RFX4: variants seen among roughly 807,000 people sequenced by gnomAD.
RFX4 encodes the protein regulatory factor X4.
In RFX4, 10 loss-of-function variants were observed where a neutral mutation model predicts 95.0. The ratio of observed to expected loss-of-function variants is 0.11; its 90% confidence interval spans 0.06 to 0.18. RFX4 has a LOEUF of 0.18. RFX4 is among the 10% of genes least tolerant of loss of function. The pLI, the probability that RFX4 is intolerant of heterozygous loss-of-function variation, is 1.00. For synonymous variants in RFX4, 321 were observed against 340.7 expected, an observed-to-expected ratio of 0.94 and a Z score of 0.64; for missense variants, 640 against 922.0, an observed-to-expected ratio of 0.69 and a Z score of 3.96.
intron 5 of RFX4, 30 bp from the exon 6 acceptor site, chr12:106,686,853 CT>C: frequency 1.5e-6 from 2 of 1,301,818 alleles, no homozygotes; most frequent in Non-Finnish European, 2.1e-6. Flanking sequence ...TTTTTTTTTT[CT>C]CTCTCTCCCT....
chr12:106,682,255 G>A (rs1262386610), intron 5 of RFX4: 13 of 576,050 alleles, frequency 2.3e-5, no homozygotes, highest in Admixed American at 3.1e-5. Flanking sequence ...AGCCCAAGAC[G>A]AGTTGGCTCT....
At chr12:106,651,305 C>A (rs1302112587) in intron 3 of RFX4, among the ~76,000 whole-genome samples, 2 of 152,152 alleles carry the variant, frequency 1.3e-5, no homozygotes, top group Non-Finnish European at 2.9e-5. Context: ...CATGACTGGG[C>A]AAATGAGTTA....
At chr12:106,629,960 G>A (rs2040385543) in intron 2 of RFX4, among the ~76,000 whole-genome samples, 1 of 152,172 alleles carries the variant, frequency 6.6e-6, no homozygotes, top group South Asian at 2.1e-4. Flanking sequence ...GTGCGGTTGT[G>A]ATTTGGATTT....
intron 3 of RFX4, among the ~76,000 whole-genome samples, chr12:106,646,114 G>A (rs1444244810): frequency 6.6e-6 from 1 of 152,138 alleles, no homozygotes; most frequent in African/African-American, 2.4e-5. Flanking sequence ...AGCACATGCA[G>A]CCAGCAGCTG....
intron 3 of RFX4, among the ~76,000 whole-genome samples, chr12:106,641,951 C>A (rs1440604516): frequency 1.4e-5 from 2 of 144,674 alleles, no homozygotes; most frequent in East Asian, 2.0e-4. Context: ...ATGTCTATAT[C>A]TATCTATATC....
chr12:106,754,076 C>T (rs550935424), intron 17 of RFX4, among the ~76,000 whole-genome samples: 9 of 152,300 alleles, frequency 5.9e-5, no homozygotes, highest in African/African-American at 1.9e-4. Context: ...CCAAGGAGAA[C>T]GTATCCACAA....
At chr12:106,760,181 C>G (rs1409800545) in intron 17 of RFX4, among the ~76,000 whole-genome samples, 3 of 152,204 alleles carry the variant, frequency 2.0e-5, no homozygotes, top group African/African-American at 7.2e-5. Context: ...CCTCGCTGCT[C>G]TGGCCATCCT....
At chr12:106,594,485 T>C (rs112858502) in intron 1 of RFX4, among the ~76,000 whole-genome samples, 1 of 152,172 alleles carries the variant, frequency 6.6e-6, no homozygotes. Context: ...TTTGAAAACT[T>C]TGGTGTGATG....
intron 4 of RFX4, among the ~76,000 whole-genome samples, chr12:106,657,598 G>A (rs139917034): frequency 1.2e-3 from 181 of 152,232 alleles, no homozygotes; most frequent in Non-Finnish European, 1.7e-3. Context: ...GCCTGCTTTC[G>A]CTGTTAAGGG....
chr12:106,689,291 C>T lies in RFX4; in HGVS notation c.596C>T (p.Ser199Phe), dbSNP rs1451031749. The part of the protein sequence containing the change: ...LPASLPEEKV[S>F]TFIMMYRTHC... The stretch of plus-strand genomic sequence containing the variant: ...ATCCTCTACACACCCCCACAGGTTT[C>T]TACCTTTATTATGATGTACAGAACA... The change falls in exon 7 of 18, where the codon TCT becomes TTT. Residue 199 changes from serine (S) to phenylalanine (F), a missense_variant. This residue lies in a region of RFX4 where 89 missense variants were observed against 173.8 expected (regional missense o/e 0.51). Coordinates refer to ENST00000392842, the MANE Select transcript of RFX4 (RefSeq NM_213594.3). The T allele has an allele frequency of 3.7e-6, 6 of 1,612,830 alleles. No individual in the cohort carries two copies. The highest frequency in any genetic ancestry group is 5.1e-6 in the Non-Finnish European group (6 of 1,178,818).
intron 13 of RFX4, among the ~76,000 whole-genome samples, chr12:106,724,268 C>T (rs573834606): frequency 4.4e-4 from 67 of 152,268 alleles, no homozygotes; most frequent in Non-Finnish European, 4.7e-4. Flanking sequence ...TAATAATAGA[C>T]ACTTTCTAAA....
intron 1 of RFX4, among the ~76,000 whole-genome samples, chr12:106,587,217 C>A (rs1771670041): frequency 6.6e-6 from 1 of 152,214 alleles, no homozygotes; most frequent in Admixed American, 6.5e-5. Context: ...ACCCGGCCTG[C>A]AGGTCCCAGA....
chr12:106,747,153 AG>A (rs907075421), intron 15 of RFX4, among the ~76,000 whole-genome samples: 8 of 152,252 alleles, frequency 5.3e-5, no homozygotes, highest in African/African-American at 1.9e-4. Context: ...GGACTGTGAG[AG>A]GAAGAATGAG....
chr12:106,623,575 C>G (rs530075624), intron 2 of RFX4, among the ~76,000 whole-genome samples: 5 of 152,306 alleles, frequency 3.3e-5, no homozygotes, highest in South Asian at 2.1e-4. Context: ...AACCCCAGTA[C>G]TTGGCACAGG....
At chr12:106,625,725 A>G (rs1432378480) in intron 2 of RFX4, among the ~76,000 whole-genome samples, 1 of 152,184 alleles carries the variant, frequency 6.6e-6, no homozygotes, top group Non-Finnish European at 1.5e-5. Context: ...CCAAAATTAT[A>G]TAATGAAAGA....
At chr12:106,685,414 T>G (rs1301418495) in intron 5 of RFX4, among the ~76,000 whole-genome samples, 4 of 152,152 alleles carry the variant, frequency 2.6e-5, no homozygotes, top group Non-Finnish European at 4.4e-5. Context: ...TTAGTTTCCT[T>G]ATCTATAAAA....
chr12:106,696,217 G>A (rs2137449530), intron 7 of RFX4, 66 bp from the exon 8 acceptor site: 2 of 1,577,726 alleles, frequency 1.3e-6, no homozygotes, highest in Non-Finnish European at 8.7e-7. Flanking sequence ...CCTTGGTGGA[G>A]TCCCAAGCTT....
At chr12:106,621,622 G>T (rs142267617) in intron 2 of RFX4, among the ~76,000 whole-genome samples, 82 of 152,288 alleles carry the variant, frequency 5.4e-4, no homozygotes, top group African/African-American at 1.8e-3. Flanking sequence ...TTAGGAGTGG[G>T]CTAAGGACTT....
At chr12:106,715,316 A>G (rs1371564628) in intron 10 of RFX4, 84 bp from the exon 11 acceptor site, 1 of 1,472,250 alleles carries the variant, frequency 6.8e-7, no homozygotes, top group African/African-American at 1.4e-5. Flanking sequence ...CCATAAGCAG[A>G]TGCATTAACA....
Sources: allele counts gnomAD v4.1 joint callset (sites outside exome capture counted in the v4.1 genomes callset), GRCh38; gene constraint gnomAD v4.1.1; regional missense constraint gnomAD v4.1.1; transcripts MANE v1.5; gene names NCBI Gene and HGNC (gene_info 2026-07-23, HGNC 2026-07-21).